SGCZ: variants seen among roughly 807,000 people sequenced by gnomAD.
SGCZ encodes the protein zeta-sarcoglycan.
SGCZ carries 40 observed loss-of-function variants against 41.3 expected under a neutral mutation model. The observed-to-expected ratio is 0.97, with a 90% CI of 0.75 to 1.26. The LOEUF is 1.26. SGCZ is among the 50% of genes most tolerant of loss of function. The probability of loss-of-function intolerance (pLI) is 0.00; values close to 1 mark genes in which losing one functional copy is unlikely to be tolerated. For synonymous variants in SGCZ, 206 were observed against 137.5 expected, an observed-to-expected ratio of 1.50 and a Z score of -3.49; for missense variants, 552 against 369.8, an observed-to-expected ratio of 1.49 and a Z score of -4.04.
At chr8:15,081,489 A>G (rs917136268) in intron 1 of SGCZ, among the ~76,000 whole-genome samples, 266 of 144,370 alleles carry the variant, frequency 1.8e-3, no homozygotes, top group African/African-American at 7.1e-3. Flanking sequence ...GCCAGATCCA[A>G]TGGCTTTTTT....
chr8:14,368,020 C>A (rs1208866884), intron 2 of SGCZ, among the ~76,000 whole-genome samples: 1 of 152,070 alleles, frequency 6.6e-6, no homozygotes, highest in East Asian at 1.9e-4. Flanking sequence ...TTAATTTATT[C>A]ACAAAACAGA....
At chr8:15,064,197 T>C (rs1469938024) in intron 1 of SGCZ, among the ~76,000 whole-genome samples, 1 of 152,168 alleles carries the variant, frequency 6.6e-6, no homozygotes, top group Non-Finnish European at 1.5e-5. Context: ...AACTCTTGCA[T>C]CTGAATACTT....
chr8:14,371,679 C>T (rs796238956), intron 2 of SGCZ, among the ~76,000 whole-genome samples: 14 of 152,162 alleles, frequency 9.2e-5, no homozygotes, highest in African/African-American at 3.4e-4. Flanking sequence ...ATCAGTTAAC[C>T]AGCCAGTCAT....
At chr8:14,612,858 T>C (rs548496306) in intron 1 of SGCZ, among the ~76,000 whole-genome samples, 1 of 152,268 alleles carries the variant, frequency 6.6e-6, no homozygotes, top group Non-Finnish European at 1.5e-5. Context: ...GCTAATTTTT[T>C]GTATTTTAGT....
rs540478984 is a variant in SGCZ at position 14,510,991 on chromosome 8, G to A, written c.234+43741C>T. On this transcript the variant is annotated intron_variant, in intron 2 of 7. Transcript: ENST00000382080. ...CCAACTCTAAGTTGAAAACCTAACT[G>A]TTTTATAAAGATAGATAGAAGATAT... is the stretch of plus-strand genomic sequence containing the variant. Among the ~76,000 whole-genome samples, 40 of 152,074 alleles carry A rather than the reference G, an allele frequency of 2.6e-4. No individual in the cohort carries two copies. The South Asian group carries it at 8.3e-3, about 32-fold the overall frequency.
At chr8:14,795,646 T>A (rs1244965996) in intron 1 of SGCZ, among the ~76,000 whole-genome samples, 1 of 152,142 alleles carries the variant, frequency 6.6e-6, no homozygotes, top group Non-Finnish European at 1.5e-5. Flanking sequence ...CAAAACAAAC[T>A]GGTACAGACT....
At chr8:14,796,830 C>G (rs1440921643) in intron 1 of SGCZ, among the ~76,000 whole-genome samples, 1 of 152,098 alleles carries the variant, frequency 6.6e-6, no homozygotes, top group Non-Finnish European at 1.5e-5. Flanking sequence ...TGGTTTCGCC[C>G]ATGCTACTCT....
chr8:15,125,583 C>T (rs958888502), intron 1 of SGCZ, among the ~76,000 whole-genome samples: 8 of 152,102 alleles, frequency 5.3e-5, no homozygotes, highest in African/African-American at 1.9e-4. Flanking sequence ...GCAAAATACC[C>T]TATTTTAATT....
intron 5 of SGCZ, among the ~76,000 whole-genome samples, chr8:14,157,596 A>T (rs895150071): frequency 1.4e-5 from 2 of 148,018 alleles, no homozygotes; most frequent in Non-Finnish European, 3.0e-5. Context: ...GCAGAAAAAT[A>T]AAAAAAAAAC....
At chr8:15,159,701 AT>A (rs1172551816) in intron 1 of SGCZ, among the ~76,000 whole-genome samples, 2 of 93,516 alleles carry the variant, frequency 2.1e-5, no homozygotes, top group African/African-American at 3.6e-5. Context: ...AGGTTTTTTT[AT>A]TTTTTTTGTT....
chr8:14,859,256 A>G (rs1803642467), intron 1 of SGCZ, among the ~76,000 whole-genome samples: 1 of 152,086 alleles, frequency 6.6e-6, no homozygotes, highest in Admixed American at 6.6e-5. Flanking sequence ...TTTATCAAGG[A>G]TATTCTCAAG....
intron 2 of SGCZ, among the ~76,000 whole-genome samples, chr8:14,335,347 G>C (rs1444947380): frequency 1.3e-5 from 2 of 152,016 alleles, no homozygotes; most frequent in Admixed American, 6.6e-5. Flanking sequence ...TTTGAAGGGT[G>C]CTGTAGATTT....
chr8:14,607,120 T>C (rs1203169214), intron 1 of SGCZ, among the ~76,000 whole-genome samples: 1 of 152,154 alleles, frequency 6.6e-6, no homozygotes, highest in African/African-American at 2.4e-5. Flanking sequence ...ATCTGTAAAA[T>C]GGGGATAATA....
chr8:15,212,610 G>T (rs1339152583), intron 1 of SGCZ, among the ~76,000 whole-genome samples: 1 of 152,152 alleles, frequency 6.6e-6, no homozygotes, highest in African/African-American at 2.4e-5. Flanking sequence ...ATCTGTCAAT[G>T]ATTTTGAATA....
intron 4 of SGCZ, among the ~76,000 whole-genome samples, chr8:14,187,729 G>C (rs1804952172): frequency 6.6e-6 from 1 of 152,080 alleles, no homozygotes; most frequent in Middle Eastern, 3.2e-3. Context: ...GAACGTGTGT[G>C]TAATAGGAAT....
chr8:14,429,264 G>C lies in SGCZ; in HGVS notation c.235-105060C>G, dbSNP rs139077797. 2.7e-3 allele frequency among the ~76,000 whole-genome samples: 413 copies of C among 152,326 alleles called. 5 individuals are homozygous for C. Among genetic ancestry groups the C allele is most frequent in the African/African-American group, 9.2e-3 (384 of 41,572 alleles). The stretch of plus-strand genomic sequence containing the variant: ...TCTGTTAAAAGGAATTGACAATGCT[G>C]GATGTGAGGCTGGGGTTTGAGGAGG... On this transcript the variant is annotated intron_variant, in intron 2 of 7. Transcript: ENST00000382080.
At position 14,696,201 on chromosome 8, in the gene SGCZ, T is replaced by A. The variant is rs369026163; in HGVS notation, c.40-141275A>T. The stretch of plus-strand genomic sequence containing the variant: ...CACGTTCTCAAAAGTGAATCAGACA[T>A]TTAATATGCCTTTAATCTAAAACTC... On this transcript the variant is annotated intron_variant, in intron 1 of 7. Coordinates refer to ENST00000382080, the MANE Select transcript of SGCZ (RefSeq NM_139167.4). Among the ~76,000 whole-genome samples the A allele has an allele frequency of 4.3e-4, 65 of 152,286 alleles. 1 individual carries two copies. Among genetic ancestry groups the A allele is most frequent in the African/African-American group, 1.5e-3 (64 of 41,566 alleles).
chr8:14,754,870 C>A (rs1042597950), intron 1 of SGCZ, among the ~76,000 whole-genome samples: 4 of 151,954 alleles, frequency 2.6e-5, no homozygotes, highest in Non-Finnish European at 5.9e-5. Context: ...TATAGGTGTG[C>A]ACCACCACAC....
intron 2 of SGCZ, among the ~76,000 whole-genome samples, chr8:14,506,021 T>C (rs74709066): frequency 1.3e-5 from 2 of 152,034 alleles, no homozygotes; most frequent in African/African-American, 4.8e-5. Context: ...CTTTTTTTTT[T>C]CATTCAATGA....
Sources: allele counts gnomAD v4.1 joint callset (sites outside exome capture counted in the v4.1 genomes callset), GRCh38; gene constraint gnomAD v4.1.1; transcripts MANE v1.5; gene names NCBI Gene and HGNC (gene_info 2026-07-23, HGNC 2026-07-21).